The following HSD17B14 variants were observed in gnomAD, a reference collection of about 807,000 sequenced individuals.
HSD17B14 encodes hydroxysteroid 17-beta dehydrogenase 14.
In HSD17B14, 32 loss-of-function variants were observed where a neutral mutation model predicts 32.2. That is an observed-to-expected ratio of 0.99 (90% CI 0.75 to 1.33). The LOEUF is 1.33. HSD17B14 is among the 40% of genes most tolerant of loss of function. HSD17B14 has a pLI of 0.00. For synonymous variants in HSD17B14, 140 were observed against 155.4 expected (o/e 0.90, Z 0.74); for missense variants, 370 against 366.5 (o/e 1.01, Z -0.08).
intron 5 of HSD17B14, among the ~76,000 whole-genome samples, chr19:48,822,347 ATGATGGTGGCAATGATGGTGATGC>A (rs2035170914): frequency 7.1e-6 from 1 of 141,784 alleles, no homozygotes; most frequent in Admixed American, 7.1e-5. Flanking sequence ...GATGGTGGTG[ATGATGGTGGCAATGATGGTGATGC>A]TGATGTTGTT....
Position 48,834,521 on chromosome 19 carries a change from G to A in HSD17B14, c.128-163C>T, listed in dbSNP as rs866040048. On this transcript the variant is annotated intron_variant, in intron 2 of 8. Transcript: ENST00000263278. ...GGACTCCTGGGTCTGAGGAAGTAGG[G>A]CCTGGGGGCCTGGACTCCTGGGTCT... is the stretch of plus-strand genomic sequence containing the variant. Among the ~76,000 whole-genome samples the A allele has an allele frequency of 2.3e-4, 24 of 102,900 alleles. 1 individual carries two copies. The highest frequency in any genetic ancestry group is 1.1e-3 in the African/African-American group (18 of 16,048). 67.5% of individuals were successfully genotyped at this position (102,900 alleles called of 152,430 possible). A position where few individuals can be genotyped will look rare whatever the true frequency, so the allele number is the denominator to read the frequency against.
Position 48,826,413 on chromosome 19 carries a change from G to A in HSD17B14, c.369+5255C>T, listed in dbSNP as rs1481650488. 2.1e-5 allele frequency among the ~76,000 whole-genome samples: 3 copies of A among 144,782 alleles called. No individual in the cohort carries two copies. In the East Asian group the frequency reaches 6.3e-4, roughly 30 times the overall value. The allele number at this position is 144,782 out of a possible 152,430, so 95.0% of individuals were successfully genotyped here. On this transcript the variant is annotated intron_variant, in intron 5 of 8. Coordinates refer to ENST00000263278, the MANE Select transcript of HSD17B14 (RefSeq NM_016246.3). ...GGAGGCTGAGGCAGGAGAATTTATT[G>A]AGCCCAGGTAGTCAAGGTTGTGGTG...
chr19:48,828,824 G>A (rs2122784636), intron 5 of HSD17B14, among the ~76,000 whole-genome samples: 1 of 152,064 alleles, frequency 6.6e-6, no homozygotes, highest in East Asian at 1.9e-4. Context: ...CACTTTGGGA[G>A]GCTGAGGTGG....
chr19:48,835,363 A>G (rs1599848289), intron 2 of HSD17B14, among the ~76,000 whole-genome samples: 1 of 98,424 alleles, frequency 1.0e-5, no homozygotes, highest in Non-Finnish European at 1.9e-5. Context: ...GGTCTGAGGG[A>G]GGAGGGGCTG....
Position 48,813,706 on chromosome 19 carries a change from C to A in HSD17B14, c.499G>T (p.Ala167Ser), listed in dbSNP as rs749554564. Residue 167 changes from alanine to serine, a missense_variant, in exon 7 of 9, where the codon GCT becomes TCT. Coordinates refer to ENST00000263278, the MANE Select transcript of HSD17B14 (RefSeq NM_016246.3). ...TKGAVTAMTK[A>S]LALDESPYGV... ...TATGGACTTTCATCCAGGGCCAAAGCTTTGGTCATGGCTGTTACTGCCCCC... is the reference window on the plus strand; with the variant it reads ...TATGGACTTTCATCCAGGGCCAAAGATTTGGTCATGGCTGTTACTGCCCCC... 3.1e-6 allele frequency: 5 copies of A among 1,614,212 alleles called. No individual in the cohort carries two copies. In the Admixed American group the frequency reaches 8.3e-5, roughly 27 times the overall value.
intron 5 of HSD17B14, among the ~76,000 whole-genome samples, chr19:48,815,368 T>C (rs2035034330): frequency 6.6e-6 from 1 of 152,076 alleles, no homozygotes; most frequent in Admixed American, 6.6e-5. Context: ...TGGGAAGGGA[T>C]TTCTCTCTCT....
chr19:48,825,847 G>A (rs929222247), intron 5 of HSD17B14, among the ~76,000 whole-genome samples: 19 of 151,834 alleles, frequency 1.3e-4, no homozygotes, highest in Admixed American at 4.6e-4. Context: ...TTGAGATGGA[G>A]TCTTGCTCTG....
chr19:48,829,009 C>A (rs376673980), intron 5 of HSD17B14, among the ~76,000 whole-genome samples: 103 of 151,736 alleles, frequency 6.8e-4, no homozygotes, highest in African/African-American at 2.3e-3. Flanking sequence ...TGCAGTGAGC[C>A]GAGATTGTGC....
chr19:48,834,330 C>T lies in HSD17B14; in HGVS notation c.156G>A (p.Glu52=). ...AGAGGATAAAGACAGCTCCAGGGAG[C>T]TCCTGCTCCAGGGCCCGGCCCCCAG... The part of the protein sequence containing the change: ...DESGGRALEQ[E]LPGAVFILCD... The change falls in exon 3 of 9, where the codon GAG becomes GAA. Residue 52 remains glutamate (E), a synonymous_variant. Coordinates refer to ENST00000263278, the MANE Select transcript of HSD17B14 (RefSeq NM_016246.3). 2 of 1,614,000 alleles carry T rather than the reference C, an allele frequency of 1.2e-6. No individual in the cohort carries two copies. The highest frequency in any genetic ancestry group is 1.1e-5 in the South Asian group (1 of 91,078).
intron 5 of HSD17B14, among the ~76,000 whole-genome samples, chr19:48,816,681 A>G (rs2035056103): frequency 6.6e-6 from 1 of 152,120 alleles, no homozygotes. Context: ...CAGGATCACT[A>G]GCTCACACCT....
chr19:48,820,874 AAAAT>A (rs1379773202), intron 5 of HSD17B14, among the ~76,000 whole-genome samples: 15 of 152,142 alleles, frequency 9.9e-5, no homozygotes, highest in African/African-American at 3.6e-4. Context: ...AAAATAAAAA[AAAAT>A]AAATAAGTAG....
rs111569789 is a variant in HSD17B14, at chr19:48,825,907, G to A, written c.369+5761C>T. Among the ~76,000 whole-genome samples, 108 of 151,894 alleles carry A rather than the reference G, an allele frequency of 7.1e-4. 2 individuals are homozygous for A. The East Asian group carries it at 0.02, about 28-fold the overall frequency. ...GCGATCTCGGCTCACTGCAAGCTCC[G>A]CCTCCTGGGTTCACGCCATTCTCCC... On this transcript the variant is annotated intron_variant, in intron 5 of 8. Coordinates refer to ENST00000263278, the MANE Select transcript of HSD17B14 (RefSeq NM_016246.3).
At chr19:48,829,184 C>T (rs1228099791) in intron 5 of HSD17B14, among the ~76,000 whole-genome samples, 1 of 152,044 alleles carries the variant, frequency 6.6e-6, no homozygotes, top group East Asian at 1.9e-4. Flanking sequence ...ATTCCCTCCC[C>T]AGCTCTCCCC....
chr19:48,833,839 A>T (rs1458993671), intron 3 of HSD17B14, among the ~76,000 whole-genome samples: 1 of 150,834 alleles, frequency 6.6e-6, no homozygotes, highest in Non-Finnish European at 1.5e-5. Flanking sequence ...AAAAAAAAAA[A>T]ATTAGCCGGG....
chr19:48,816,086 T>C (rs922216030), intron 5 of HSD17B14, among the ~76,000 whole-genome samples: 16 of 147,868 alleles, frequency 1.1e-4, no homozygotes, highest in African/African-American at 3.7e-4. Context: ...GCAATTCAAC[T>C]CCCTGGCCAC....
intron 5 of HSD17B14, among the ~76,000 whole-genome samples, chr19:48,830,493 TA>T (rs1196657998): frequency 1.1e-4 from 16 of 151,980 alleles, no homozygotes. Context: ...TAAACCAAAG[TA>T]TAAAAGAAAA....
chr19:48,822,776 G>C (rs1226398606), intron 5 of HSD17B14, among the ~76,000 whole-genome samples: 2 of 151,954 alleles, frequency 1.3e-5, no homozygotes, highest in African/African-American at 2.4e-5. Context: ...TGATGGTGAT[G>C]ATGGTGGTAA....
Position 48,832,647 on chromosome 19 carries a change from C to T in HSD17B14, c.277+19G>A. 1.9e-6 allele frequency: 3 copies of T among 1,610,450 alleles called. No homozygotes were observed. The highest frequency in any genetic ancestry group is 2.5e-6 in the Non-Finnish European group (3 of 1,177,978). On this transcript the variant is annotated intron_variant, in intron 4 of 8. Transcript: ENST00000263278. ...GGGGGGCAGGAGGTGGAGAATGGCC[C>T]TGGGGTCTCACAACTCACGGTGGCC...
intron 5 of HSD17B14, among the ~76,000 whole-genome samples, chr19:48,826,720 G>A (rs1484021306): frequency 6.6e-6 from 1 of 151,328 alleles, no homozygotes; most frequent in Non-Finnish European, 1.5e-5. Context: ...CAACCTCCCG[G>A]GAACATTTCA....
Sources: gnomAD v4.1 joint callset for allele counts (sites outside exome capture counted in the v4.1 genomes callset) on GRCh38, gnomAD v4.1.1 for gene constraint, MANE v1.5 for transcripts, NCBI Gene and HGNC (gene_info 2026-07-23, HGNC 2026-07-21) for gene names.